Variants in EML6 observed in about 807,000 individuals in gnomAD.
The protein encoded by EML6 is echinoderm microtubule-associated protein-like 6.
In EML6, 154 loss-of-function variants were observed where a neutral mutation model predicts 240.1. The ratio of observed to expected loss-of-function variants is 0.64; its 90% CI spans 0.56 to 0.73. EML6 has a LOEUF of 0.73. Among genes scored for constraint, EML6 ranks in the 30% least tolerant of loss-of-function variants. The probability of loss-of-function intolerance (pLI) is 0.00; values close to 1 mark genes in which losing one functional copy is unlikely to be tolerated. For synonymous variants in EML6, 1,148 were observed against 899.0 expected (o/e 1.28, Z -4.95); for missense variants, 2,964 against 2,474.6 (o/e 1.20, Z -4.20).
At chr2:54,969,242 C>T (rs1329268242) in intron 41 of EML6, among the ~76,000 whole-genome samples, 1 of 152,206 alleles carries the variant, frequency 6.6e-6, no homozygotes, top group Admixed American at 6.5e-5. Context: ...TTCTAACTCA[C>T]TCAGCTTCCC....
At chr2:54,949,310 A>G (rs143660180) in intron 29 of EML6, among the ~76,000 whole-genome samples, 37 of 152,306 alleles carry the variant, frequency 2.4e-4, no homozygotes, top group Middle Eastern at 3.4e-3. Flanking sequence ...AGGGGAGCAC[A>G]TATTCACCGT....
intron 24 of EML6, among the ~76,000 whole-genome samples, chr2:54,909,603 T>G (rs1188428467): frequency 2.6e-5 from 4 of 152,040 alleles, no homozygotes; most frequent in Non-Finnish European, 1.5e-5. Flanking sequence ...CCCAGCACTT[T>G]GGGAGGCCGA....
chr2:54,754,614 C>T (rs889340125), intron 2 of EML6, among the ~76,000 whole-genome samples: 5 of 152,118 alleles, frequency 3.3e-5, no homozygotes, highest in Non-Finnish European at 7.4e-5. Context: ...TTTCAAATAT[C>T]TTCTCCCATT....
At position 54,931,193 on chromosome 2, in the gene EML6, G is replaced by A. The variant is rs564060512; in HGVS notation, c.4004+2442G>A. ...AGGATGGTCTCGATCTCCTGACCTC[G>A]TGATCCGCCCGCCTCGGCCTCCCAA... On this transcript the variant is annotated intron_variant, in intron 28 of 41. Transcript: ENST00000356458. Among the ~76,000 whole-genome samples, 8 of 151,920 alleles carry A rather than the reference G, an allele frequency of 5.3e-5. No individual in the cohort carries two copies. In the East Asian group the frequency reaches 9.7e-4, roughly 18 times the overall value.
chr2:54,905,357 C>G (rs1235561859), intron 24 of EML6, among the ~76,000 whole-genome samples: 2 of 150,482 alleles, frequency 1.3e-5, no homozygotes, highest in Non-Finnish European at 3.0e-5. Context: ...CACACACACA[C>G]ACACACACAC....
At chr2:54,877,987 A>G (rs959673599) in intron 16 of EML6, among the ~76,000 whole-genome samples, 3 of 152,352 alleles carry the variant, frequency 2.0e-5, no homozygotes, top group South Asian at 2.1e-4. Flanking sequence ...TTGGTTAGCA[A>G]TTGAGATGGG....
At chr2:54,927,289 C>G (rs983920433) in intron 26 of EML6, among the ~76,000 whole-genome samples, 1 of 152,178 alleles carries the variant, frequency 6.6e-6, no homozygotes, top group Non-Finnish European at 1.5e-5. Flanking sequence ...ATTACAAAGT[C>G]ACGAACCCTC....
chr2:54,909,109 G>A (rs577678012), intron 24 of EML6, among the ~76,000 whole-genome samples: 1 of 152,264 alleles, frequency 6.6e-6, no homozygotes, highest in Admixed American at 6.5e-5. Flanking sequence ...TTTATCTGAG[G>A]ATTACAGTCC....
intron 2 of EML6, among the ~76,000 whole-genome samples, chr2:54,734,263 A>G (rs775362598): frequency 2.6e-5 from 4 of 152,230 alleles, no homozygotes; most frequent in Non-Finnish European, 4.4e-5. Context: ...GTTTGAACCC[A>G]GGAAACAGTG....
At chr2:54,795,352 T>G (rs1669701852) in intron 2 of EML6, among the ~76,000 whole-genome samples, 2 of 152,158 alleles carry the variant, frequency 1.3e-5, no homozygotes, top group African/African-American at 4.8e-5. Flanking sequence ...CCATCAGATC[T>G]TGTGAGAAAT....
intron 2 of EML6, among the ~76,000 whole-genome samples, chr2:54,757,097 A>G (rs963576285): frequency 3.3e-5 from 5 of 151,892 alleles, no homozygotes; most frequent in African/African-American, 1.2e-4. Context: ...TCTTGTTTCA[A>G]TATATTGCCA....
chr2:54,826,043 C>G (rs1471922875), intron 5 of EML6, among the ~76,000 whole-genome samples: 7 of 152,238 alleles, frequency 4.6e-5, no homozygotes, highest in Non-Finnish European at 7.3e-5. Context: ...CACCCGGGCA[C>G]AGTCTGAATA....
In EML6 at chr2:54,948,884, C is replaced by T; in HGVS notation, c.4007C>T (p.Pro1336Leu). Residue 1336 changes from proline to leucine, a missense_variant and splice_region_variant, in exon 29 of 42, where the codon CCA becomes CTA. By Grantham distance (98) the Pro-to-Leu change is moderately conservative. Coordinates refer to ENST00000356458, the MANE Select transcript of EML6 (RefSeq NM_001039753.4). ...QLKEVSVEER[P>L]PVSRAAPQPE... ...CCTCTGGCCGCTCTCTCTTCCAGAC[C>T]ACCCGTTAGCCGAGCAGCTCCCCAG... is the stretch of plus-strand genomic sequence containing the variant. 1 of 1,551,176 alleles carries T rather than the reference C, an allele frequency of 6.4e-7. No homozygotes were observed. The highest frequency in any genetic ancestry group is 8.7e-7 in the Non-Finnish European group (1 of 1,146,726).
intron 2 of EML6, among the ~76,000 whole-genome samples, chr2:54,765,427 C>T (rs1340197663): frequency 6.6e-6 from 1 of 152,124 alleles, no homozygotes. Flanking sequence ...TCCCTACAAA[C>T]TTAAGGGCAA....
chr2:54,856,856 G>C (rs1670408660), intron 11 of EML6, among the ~76,000 whole-genome samples: 1 of 152,192 alleles, frequency 6.6e-6, no homozygotes, highest in African/African-American at 2.4e-5. Context: ...GTTAGGAAAA[G>C]GGAGGTTTCA....
chr2:54,814,332 G>C (rs1294509201), intron 3 of EML6, among the ~76,000 whole-genome samples: 3 of 152,146 alleles, frequency 2.0e-5, no homozygotes, highest in African/African-American at 4.8e-5. Context: ...TTTTCACAAA[G>C]CCTTGCCAAT....
chr2:54,905,556 AC>A (rs1673283406), intron 24 of EML6, among the ~76,000 whole-genome samples: 2 of 152,316 alleles, frequency 1.3e-5, no homozygotes, highest in East Asian at 3.9e-4. Flanking sequence ...ACAAAAATGT[AC>A]CATTTTAATC....
intron 26 of EML6, among the ~76,000 whole-genome samples, chr2:54,927,817 G>T (rs889538312): frequency 6.6e-6 from 1 of 152,224 alleles, no homozygotes; most frequent in African/African-American, 2.4e-5. Flanking sequence ...AGCGTCTGTG[G>T]CAGAAACCGT....
Position 54,968,668 on chromosome 2 carries a change from G to A in EML6, c.5752G>A (p.Ala1918Thr). The part of the protein sequence containing the change: ...LFDFPCTEKF[A>T]KHKRYFGHSA... Reference sequence around the variant, plus strand: ...TGTCTCCATTCACTTTTGCTCACAGGCCAAACATAAGCGATACTTCGGTCA... The same window carrying A: ...TGTCTCCATTCACTTTTGCTCACAGACCAAACATAAGCGATACTTCGGTCA... The change falls in exon 41 of 42, where the codon GCC becomes ACC. Residue 1918 changes from alanine (A) to threonine (T), a missense_variant and splice_region_variant. Transcript: ENST00000356458. 6.5e-7 allele frequency: 1 copy of A among 1,546,766 alleles called. No individual in the cohort carries two copies. Among genetic ancestry groups the A allele is most frequent in the Non-Finnish European group, 8.8e-7 (1 of 1,142,530 alleles).
Sources: allele counts gnomAD v4.1 joint callset (sites outside exome capture counted in the v4.1 genomes callset), GRCh38; gene constraint gnomAD v4.1.1; transcripts MANE v1.5; gene names NCBI Gene and HGNC (gene_info 2026-07-23, HGNC 2026-07-21).